ATP1A3: variants seen among roughly 807,000 people sequenced by gnomAD.
The protein encoded by ATP1A3 is sodium/potassium-transporting ATPase subunit alpha-3.
In ATP1A3, 12 loss-of-function variants were observed where a neutral mutation model predicts 108.8. That is an observed-to-expected ratio of 0.11 (90% CI 0.07 to 0.18). The LOEUF (loss-of-function observed/expected upper bound fraction) is 0.18, where lower values mean the gene tolerates loss of function less well. Ranked by LOEUF, ATP1A3 falls within the 10% of genes least tolerant of loss-of-function variation. The pLI, the probability that ATP1A3 is intolerant of heterozygous loss-of-function variation, is 1.00. For synonymous variants in ATP1A3, 539 were observed against 564.5 expected (o/e 0.95, Z 0.64); for missense variants, 498 against 1,387.7 (o/e 0.36, Z 10.19).
intron 1 of ATP1A3, chr19:41,993,261 C>T (rs1555868004): frequency 1.5e-5 from 12 of 816,120 alleles, no homozygotes; most frequent in Non-Finnish European, 2.1e-5. Flanking sequence ...GGGAGGGAGG[C>T]GGCATCTGCT....
Position 41,976,510 on chromosome 19 carries a change from T to A in ATP1A3, c.2000A>T (p.Gln667Leu). 1 of 1,614,168 alleles carries A rather than the reference T, an allele frequency of 6.2e-7. No individual in the cohort carries two copies. Among genetic ancestry groups the A allele is most frequent in the Non-Finnish European group, 8.5e-7 (1 of 1,180,026 alleles). The part of the protein sequence containing the change: ...GTDLKDFTSE[Q>L]IDEILQNHTE... ...GTGATTCTGCAGGATCTCGTCGATT[T>A]GCTCGGAGGTGAAGTCCTTGAGGTC... The change falls in exon 15 of 23, where the codon CAA becomes CTA. Residue 667 changes from glutamine to leucine, a missense_variant. Gln to Leu is a moderately radical substitution (Grantham distance 113). Coordinates refer to ENST00000648268, the MANE Select transcript of ATP1A3 (RefSeq NM_152296.5).
Position 41,985,908 on chromosome 19 carries a change from G to C in ATP1A3, c.562C>G (p.Arg188Gly). ...GDLVEIKGGDRVPADLRIISA... is the reference protein window; with the variant it reads ...GDLVEIKGGDGVPADLRIISA... ...ATGATCCGCAGGTCAGCTGGCACTCGGTCTCCACCCTTGATCTCCACCAGG... is the reference window on the plus strand; with the variant it reads ...ATGATCCGCAGGTCAGCTGGCACTCCGTCTCCACCCTTGATCTCCACCAGG... The change falls in exon 6 of 23, where the codon CGA becomes GGA. Residue 188 changes from arginine to glycine, a missense_variant. Around this residue, in one of 9 missense-constraint regions of ATP1A3, gnomAD observed 127 missense variants for 464.0 expected, o/e 0.27. Coordinates refer to ENST00000648268, the MANE Select transcript of ATP1A3 (RefSeq NM_152296.5). The surrounding 1 kb of genome is among the most constrained non-coding windows in gnomAD (Gnocchi z 8.2). The C allele has an allele frequency of 6.2e-7, 1 of 1,613,860 alleles. No individual in the cohort carries two copies. The highest frequency in any genetic ancestry group is 8.5e-7 in the Non-Finnish European group (1 of 1,179,914).
intron 1 of ATP1A3, chr19:41,990,953 T>G (rs2145989209): frequency 6.6e-6 from 1 of 152,496 alleles, no homozygotes; most frequent in African/African-American, 2.4e-5. Flanking sequence ...TTCCATGTGT[T>G]GGGCCCATGG....
chr19:41,981,058 G>A lies in ATP1A3; in HGVS notation c.1437+444C>T, dbSNP rs1329237960. Among the ~76,000 whole-genome samples, 9 of 149,444 alleles carry A rather than the reference G, an allele frequency of 6.0e-5. No homozygotes were observed. Among genetic ancestry groups the A allele is most frequent in the South Asian group, 4.3e-4 (2 of 4,696 alleles). On this transcript the variant is annotated intron_variant, in intron 11 of 22. Transcript: ENST00000648268. The surrounding 1 kb of genome is among the most constrained non-coding windows in gnomAD (Gnocchi z 5.0). ...TGTCACCCAGGCTGGAGTACAGTGC[G>A]TGATGTAGGCTCTCTGCAGCCCCAA... is the stretch of plus-strand genomic sequence containing the variant.
At chr19:41,972,109 G>A (rs1004037173) in intron 16 of ATP1A3, among the ~76,000 whole-genome samples, 5 of 152,082 alleles carry the variant, frequency 3.3e-5, no homozygotes, top group Non-Finnish European at 7.3e-5. Context: ...AATTAGCTGG[G>A]CGTGGTGGTG....
chr19:41,968,652 G>A lies in ATP1A3; in HGVS notation c.2819+133C>T. 1 of 1,427,106 alleles carries A rather than the reference G, an allele frequency of 7.0e-7. No individual in the cohort carries two copies. The allele number at this position is 1,427,106 out of a possible 1,614,324, so 88.4% of individuals were successfully genotyped here. On this transcript the variant is annotated intron_variant, in intron 20 of 22. Transcript: ENST00000648268. This position sits in a 1 kb window ranked among gnomAD's most constrained non-coding sequence, Gnocchi z 5.0. ...GATTACACCACTGAACTCCAGTCTG[G>A]GTGACAGAGTGAGACCCTGCCTCAA...
chr19:41,991,566 G>A (rs1310485165), intron 1 of ATP1A3, among the ~76,000 whole-genome samples: 1 of 152,222 alleles, frequency 6.6e-6, no homozygotes, highest in African/African-American at 2.4e-5. Context: ...CTGGGGTCAA[G>A]TCCTGTGCAG....
chr19:41,981,571 G>A lies in ATP1A3; in HGVS notation c.1368C>T (p.Ser456=), dbSNP rs782325595. ...TGTTGCGTTCACGCATCAGCTTCAC[G>A]GAGCCAGAGGACAGCTCGATGCACT... ...LLKCIELSSG[S]VKLMRERNKK... The change falls in exon 11 of 23, where the codon TCC becomes TCT. Residue 456 remains serine, a synonymous_variant. Coordinates refer to ENST00000648268, the MANE Select transcript of ATP1A3 (RefSeq NM_152296.5). This position sits in a 1 kb window ranked among gnomAD's most constrained non-coding sequence, Gnocchi z 5.0. 1.5e-5 allele frequency: 25 copies of A among 1,614,072 alleles called. No individual in the cohort carries two copies. Among genetic ancestry groups the A allele is most frequent in the Middle Eastern group, 1.6e-4 (1 of 6,084 alleles).
chr19:41,975,200 C>T (rs1381518153), intron 16 of ATP1A3, among the ~76,000 whole-genome samples: 3 of 152,160 alleles, frequency 2.0e-5, no homozygotes, highest in Admixed American at 6.5e-5. Context: ...TACAGGCAAC[C>T]GCCACAATGC....
intron 1 of ATP1A3, chr19:41,993,573 C>A: frequency 8.2e-7 from 1 of 1,226,088 alleles, no homozygotes. Context: ...CCATCCAGGC[C>A]TGGAAGGAGA....
At chr19:41,976,074 T>C (rs1305566678) in intron 15 of ATP1A3, among the ~76,000 whole-genome samples, 2 of 81,052 alleles carry the variant, frequency 2.5e-5, no homozygotes, top group Admixed American at 1.3e-4. Context: ...CCCCAGACCC[T>C]CCTCCCTCAG....
intron 1 of ATP1A3, chr19:41,993,579 G>T: frequency 8.5e-7 from 1 of 1,172,760 alleles, no homozygotes; most frequent in Non-Finnish European, 1.2e-6. Context: ...AGGCCTGGAA[G>T]GAGAAAGAGA....
chr19:41,990,522 A>G (rs1258497719), intron 1 of ATP1A3, among the ~76,000 whole-genome samples: 2 of 126,786 alleles, frequency 1.6e-5, no homozygotes, highest in Non-Finnish European at 3.2e-5. Flanking sequence ...TGTCTCTCTC[A>G]AATCTTCCGT....
At chr19:41,984,762 C>G in intron 8 of ATP1A3, 156 bp downstream of exon 8, 1 of 905,192 alleles carries the variant, frequency 1.1e-6, no homozygotes, top group South Asian at 1.8e-5. Context: ...CCCAGGGGTC[C>G]AGATCCCAGC....
At position 41,986,331 on chromosome 19, in the gene ATP1A3, G is replaced by T. The variant is rs933653224; in HGVS notation, c.358-102C>A. On this transcript the variant is annotated intron_variant, in intron 4 of 22. Transcript: ENST00000648268. ...GGAAGGGAGCTTTGTGTCAGTGGGGGTCTGTATTTGTGTGTCTGACCCTAG... is the reference window on the plus strand; with the variant it reads ...GGAAGGGAGCTTTGTGTCAGTGGGGTTCTGTATTTGTGTGTCTGACCCTAG... The T allele has an allele frequency of 4.4e-6, 5 of 1,128,986 alleles. No homozygotes were observed. In the African/African-American group the frequency reaches 7.7e-5, roughly 17 times the overall value. The allele number at this position is 1,128,986 out of a possible 1,614,324, so 69.9% of individuals were successfully genotyped here. A position where few individuals can be genotyped will look rare whatever the true frequency, so the allele number is the denominator to read the frequency against.
Position 41,978,925 on chromosome 19 carries a change from T to A in ATP1A3, c.1438-127A>T, listed in dbSNP as rs2075200912. ...CCCACACCAGGGCTCCCCCACACTC[T>A]CTCACAGAGACCTCTGCTCATTCCT... On this transcript the variant is annotated intron_variant, in intron 11 of 22. Transcript: ENST00000648268. The surrounding 1 kb of genome is among the most constrained non-coding windows in gnomAD (Gnocchi z 8.3). 1.3e-6 allele frequency: 1 copy of A among 778,234 alleles called. No individual in the cohort carries two copies. The highest frequency in any genetic ancestry group is 2.1e-6 in the Non-Finnish European group (1 of 473,272). The allele number at this position is 778,234 out of a possible 1,614,324, so 48.2% of individuals were successfully genotyped here. A position where few individuals can be genotyped will look rare whatever the true frequency, so the allele number is the denominator to read the frequency against.
At chr19:41,970,629 T>G in intron 16 of ATP1A3, 87 bp from the exon 17 acceptor site, 1 of 745,984 alleles carries the variant, frequency 1.3e-6, no homozygotes, top group South Asian at 3.2e-5. Context: ...CAACGTCCTT[T>G]TTTTTTTTTT....
rs782504933 is a variant in ATP1A3 at position 41,987,999 on chromosome 19, A to G, written c.294T>C (p.Ala98=). ...GGFSILLWIG[A]ILCFLAYGIQ... is the part of the protein sequence containing the mutation. ...TACCGTAGGCCAGGAAGCAGAGGAT[A>G]GCCCCGATCCACAGCAGGATGGAGA... Residue 98 remains alanine (A), a synonymous_variant, in exon 4 of 23, where the codon GCT becomes GCC. Transcript: ENST00000648268. The G allele has an allele frequency of 4.3e-6, 7 of 1,614,150 alleles. No individual in the cohort carries two copies. The South Asian group carries it at 6.6e-5, about 15-fold the overall frequency.
rs201175414 is a variant in ATP1A3 at position 41,982,115 on chromosome 19, C to A, written c.994-9G>T. ...GTCAGCGTCAGACACACCTGGAGGA[C>A]GAGCAAGGGCAGGCAAGTTACAGGG... On this transcript the variant is annotated splice_polypyrimidine_tract_variant and intron_variant, in intron 8 of 22. Transcript: ENST00000648268. 6.2e-7 allele frequency: 1 copy of A among 1,613,994 alleles called. No individual in the cohort carries two copies. Among genetic ancestry groups the A allele is most frequent in the Non-Finnish European group, 8.5e-7 (1 of 1,180,012 alleles).
Sources: gnomAD v4.1 joint callset for allele counts (sites outside exome capture counted in the v4.1 genomes callset) on GRCh38, gnomAD v4.1.1 for gene constraint, gnomAD v4.1.1 regional missense constraint, Gnocchi (gnomAD v3.1) non-coding constraint, MANE v1.5 for transcripts, NCBI Gene and HGNC (gene_info 2026-07-23, HGNC 2026-07-21) for gene names.